UBXN10: variants seen among roughly 807,000 people sequenced by gnomAD.
UBXN10 encodes UBX domain-containing protein 10.
In UBXN10, 6 loss-of-function variants were observed where a neutral mutation model predicts 6.9. The ratio of observed to expected loss-of-function variants is 0.87; its 90% confidence interval spans 0.48 to 1.72. UBXN10 has a LOEUF of 1.72. Ranked by LOEUF, UBXN10 falls within the 40% of genes most tolerant of loss-of-function variation. The pLI is 0.01. For synonymous variants in UBXN10, 131 were observed against 135.2 expected, an observed-to-expected ratio of 0.97 and a Z score of 0.21; for missense variants, 317 against 348.4, an observed-to-expected ratio of 0.91 and a Z score of 0.72.
upstream of UBXN10, among the ~76,000 whole-genome samples, chr1:20,185,811 A>C (rs2018364326): frequency 6.6e-6 from 1 of 152,304 alleles, no homozygotes; most frequent in Non-Finnish European, 1.5e-5. Flanking sequence ...CCGCTCCTCC[A>C]TGCCCCGGCC....
At position 20,191,122 on chromosome 1, in the gene UBXN10, A is replaced by T; in HGVS notation, c.561A>T (p.Gly187=). Residue 187 remains glycine (G), a synonymous_variant, in exon 2 of 2, where the codon GGA becomes GGT. Coordinates refer to ENST00000375099, the MANE Select transcript of UBXN10 (RefSeq NM_152376.5). The surrounding 1 kb of genome is among the most constrained non-coding windows in gnomAD (Gnocchi z 4.5). The part of the protein sequence containing the change: ...RTKKQGSSRA[G]NLEEPSDQEP... ...AGAAACAGGGCTCTTCCAGGGCTGG[A>T]AATCTGGAGGAACCATCGGACCAAG... is the stretch of plus-strand genomic sequence containing the variant. The T allele has an allele frequency of 1.2e-6, 2 of 1,614,176 alleles. No individual in the cohort carries two copies. Among genetic ancestry groups the T allele is most frequent in the Non-Finnish European group, 1.7e-6 (2 of 1,180,036 alleles).
chr1:20,192,431 G>A lies in UBXN10; in HGVS notation c.*1027G>A, dbSNP rs2018523441. 1 of 167,100 alleles carries A rather than the reference G, an allele frequency of 6.0e-6. No homozygotes were observed. Among genetic ancestry groups the A allele is most frequent in the South Asian group, 2.1e-4 (1 of 4,824 alleles). 10.4% of individuals were successfully genotyped at this position (167,100 alleles called of 1,614,324 possible). On this transcript the variant is annotated 3_prime_UTR_variant, in exon 2 of 2. Transcript: ENST00000375099. The stretch of plus-strand genomic sequence containing the variant: ...GGTCTCGTGTTACTTTGCTGTGCCT[G>A]TGCTGAGAGACCATGTGCCCGAGCA...
chr1:20,185,982 T>A (rs898629471), upstream of UBXN10: 20 of 151,638 alleles, frequency 1.3e-4, no homozygotes, highest in East Asian at 1.8e-3. Context: ...GCCTCCGCCC[T>A]CCTGGCCCAG....
intron 1 of UBXN10, among the ~76,000 whole-genome samples, chr1:20,190,236 C>T (rs747365245): frequency 3.3e-5 from 5 of 152,138 alleles, no homozygotes; most frequent in Middle Eastern, 3.2e-3. Flanking sequence ...ACCTTAATCA[C>T]GCTCTGGTGC....
Position 20,193,146 on chromosome 1 carries a change from G to T in UBXN10, c.*1742G>T, listed in dbSNP as rs1333943401. 1 of 167,036 alleles carries T rather than the reference G, an allele frequency of 6.0e-6. No homozygotes were observed. Among genetic ancestry groups the T allele is most frequent in the Non-Finnish European group, 1.5e-5 (1 of 68,138 alleles). The allele number at this position is 167,036 out of a possible 1,614,324, so 10.3% of individuals were successfully genotyped here. A position where few individuals can be genotyped will look rare whatever the true frequency, so the allele number is the denominator to read the frequency against. ...GTACAGGAATTTCACTTCCCACCAG[G>T]ACTTGAGCACATAACTCTATGTCTG... On this transcript the variant is annotated 3_prime_UTR_variant, in exon 2 of 2. Transcript: ENST00000375099.
Position 20,190,737 on chromosome 1 carries a change from G to A in UBXN10, c.176G>A (p.Cys59Tyr). 1 of 1,614,078 alleles carries A rather than the reference G, an allele frequency of 6.2e-7. No homozygotes were observed. The highest frequency in any genetic ancestry group is 8.5e-7 in the Non-Finnish European group (1 of 1,180,048). The change falls in exon 2 of 2, where the codon TGC becomes TAC. Residue 59 changes from cysteine (C) to tyrosine (Y), a missense_variant. Coordinates refer to ENST00000375099, the MANE Select transcript of UBXN10 (RefSeq NM_152376.5). ...CAGAAATCCCAGGGCGTGGAGGTGTGCGCTCATCATATACCATCTCCGCCT... is the reference window on the plus strand; with the variant it reads ...CAGAAATCCCAGGGCGTGGAGGTGTACGCTCATCATATACCATCTCCGCCT... ...SLQKSQGVEV[C>Y]AHHIPSPPPA...
rs1324106024 is a variant in UBXN10, at chr1:20,194,557, A to C, written c.*3153A>C. ...AGCCTTGGGGCATTCATTCCAATTA[A>C]TAACCTTAAAGACTAGAGCCAGATC... is the stretch of plus-strand genomic sequence containing the variant. On this transcript the variant is annotated 3_prime_UTR_variant, in exon 2 of 2. Transcript: ENST00000375099. The C allele has an allele frequency of 1.2e-5, 2 of 167,088 alleles. No homozygotes were observed. Among genetic ancestry groups the C allele is most frequent in the African/African-American group, 4.8e-5 (2 of 41,458 alleles). 10.4% of individuals were successfully genotyped at this position (167,088 alleles called of 1,614,324 possible). A position where few individuals can be genotyped will look rare whatever the true frequency, so the allele number is the denominator to read the frequency against.
In UBXN10 at chr1:20,191,829, C is replaced by G; in HGVS notation, c.*425C>G. On this transcript the variant is annotated 3_prime_UTR_variant, in exon 2 of 2. Coordinates refer to ENST00000375099, the MANE Select transcript of UBXN10 (RefSeq NM_152376.5). The surrounding 1 kb of genome is among the most constrained non-coding windows in gnomAD (Gnocchi z 4.5). The stretch of plus-strand genomic sequence containing the variant: ...AACACTTCCCAGAGAGGATTCTAGT[C>G]TGGTAAATAACCACAGTGTAGGAAC... 3 of 184,850 alleles carry G rather than the reference C, an allele frequency of 1.6e-5. No homozygotes were observed. The allele number at this position is 184,850 out of a possible 1,614,324, so 11.5% of individuals were successfully genotyped here.
Position 20,191,483 on chromosome 1 carries a change from G to A in UBXN10, c.*79G>A, listed in dbSNP as rs200062370. The A allele has an allele frequency of 1.1e-4, 175 of 1,532,010 alleles. 1 individual carries two copies. The highest frequency in any genetic ancestry group is 1.0e-3 in the East Asian group (45 of 44,206). The allele number at this position is 1,532,010 out of a possible 1,614,324, so 94.9% of individuals were successfully genotyped here. A position where few individuals can be genotyped will look rare whatever the true frequency, so the allele number is the denominator to read the frequency against. Reference sequence around the variant, plus strand: ...GGCGTTGTGGCCTCTTAGGCAGCCTGTTTCAAGTGCCATGTGGACCTGGTG... The same window carrying A: ...GGCGTTGTGGCCTCTTAGGCAGCCTATTTCAAGTGCCATGTGGACCTGGTG... On this transcript the variant is annotated 3_prime_UTR_variant, in exon 2 of 2. Coordinates refer to ENST00000375099, the MANE Select transcript of UBXN10 (RefSeq NM_152376.5). This position sits in a 1 kb window ranked among gnomAD's most constrained non-coding sequence, Gnocchi z 4.5.
chr1:20,194,169 A>C lies in UBXN10; in HGVS notation c.*2765A>C, dbSNP rs1285993142. 1 of 167,174 alleles carries C rather than the reference A, an allele frequency of 6.0e-6. No individual in the cohort carries two copies. Among genetic ancestry groups the C allele is most frequent in the African/African-American group, 2.4e-5 (1 of 41,470 alleles). The allele number at this position is 167,174 out of a possible 1,614,324, so 10.4% of individuals were successfully genotyped here. A position where few individuals can be genotyped will look rare whatever the true frequency, so the allele number is the denominator to read the frequency against. On this transcript the variant is annotated 3_prime_UTR_variant, in exon 2 of 2. Transcript: ENST00000375099. ...GCTGGCTCTTCATCCCACCCTCTGG[A>C]GATGCTAAGGAAGCTCTTGCCCACC...
upstream of UBXN10, among the ~76,000 whole-genome samples, chr1:20,184,796 G>GGAGGTGGGAGA (rs1255357637): frequency 2.0e-5 from 3 of 152,064 alleles, no homozygotes; most frequent in East Asian, 5.8e-4. Flanking sequence ...GAGGAGGGAG[G>GGAGGTGGGAGA]GAGGTGGGAG....
chr1:20,189,940 G>C (rs935459435), intron 1 of UBXN10, among the ~76,000 whole-genome samples: 1 of 152,208 alleles, frequency 6.6e-6, no homozygotes, highest in Non-Finnish European at 1.5e-5. Context: ...TCATACATCT[G>C]TAGAATTAGC....
chr1:20,190,742 C>A lies in UBXN10; in HGVS notation c.181C>A (p.His61Asn). 1 of 1,614,060 alleles carries A rather than the reference C, an allele frequency of 6.2e-7. No individual in the cohort carries two copies. Among genetic ancestry groups the A allele is most frequent in the Non-Finnish European group, 8.5e-7 (1 of 1,180,038 alleles). The stretch of plus-strand genomic sequence containing the variant: ...ATCCCAGGGCGTGGAGGTGTGCGCT[C>A]ATCATATACCATCTCCGCCTCCAGC... ...QKSQGVEVCAHHIPSPPPAIP... is the reference protein window; with the variant it reads ...QKSQGVEVCANHIPSPPPAIP... The change falls in exon 2 of 2, where the codon CAT (histidine) becomes AAT (asparagine). Residue 61 changes from histidine (H) to asparagine (N), a missense_variant. Physicochemically the swap from His to Asn is moderately conservative, Grantham distance 68 (BLOSUM62 1). Coordinates refer to ENST00000375099, the MANE Select transcript of UBXN10 (RefSeq NM_152376.5).
rs773586730 is a variant in UBXN10, at chr1:20,187,518, G to A, written c.-16+1365G>A. 6.6e-6 allele frequency among the ~76,000 whole-genome samples: 1 copy of A among 152,202 alleles called. No individual in the cohort carries two copies. The highest frequency in any genetic ancestry group is 1.5e-5 in the Non-Finnish European group (1 of 68,042). On this transcript the variant is annotated intron_variant, in intron 1 of 1. Coordinates refer to ENST00000375099, the MANE Select transcript of UBXN10 (RefSeq NM_152376.5). The surrounding 1 kb of genome is among the most constrained non-coding windows in gnomAD (Gnocchi z 4.6). Reference sequence around the variant, plus strand: ...TGTTTCCCCCACCGCCCATCCCTGTGTGATGGGTGCTGGGGAGAGCTGGTG... The same window carrying A: ...TGTTTCCCCCACCGCCCATCCCTGTATGATGGGTGCTGGGGAGAGCTGGTG...
upstream of UBXN10, chr1:20,186,019 C>T (rs886370475): frequency 3.9e-5 from 6 of 151,914 alleles, no homozygotes; most frequent in African/African-American, 1.2e-4. Context: ...CCACCCGACC[C>T]CACCCGACCC....
intron 1 of UBXN10, among the ~76,000 whole-genome samples, chr1:20,186,907 G>T (rs192110457): frequency 5.3e-5 from 8 of 151,856 alleles, no homozygotes; most frequent in African/African-American, 1.5e-4. Flanking sequence ...GGTTGGGGGG[G>T]GCGGGATGGC....
rs866127542 is a variant in UBXN10 at position 20,187,749 on chromosome 1, C to T, written c.-16+1596C>T. Reference sequence around the variant, plus strand: ...TGACCAGGGTGTCTTGAATATGACACCCCCTGAACATGGATAATTATATGG... The same window carrying T: ...TGACCAGGGTGTCTTGAATATGACATCCCCTGAACATGGATAATTATATGG... On this transcript the variant is annotated intron_variant, in intron 1 of 1. Transcript: ENST00000375099. The surrounding 1 kb of genome is among the most constrained non-coding windows in gnomAD (Gnocchi z 4.6). Among the ~76,000 whole-genome samples the T allele has an allele frequency of 1.3e-5, 2 of 152,068 alleles. No homozygotes were observed. The highest frequency in any genetic ancestry group is 4.8e-5 in the African/African-American group (2 of 41,398).
rs575020073 is a variant in UBXN10, at chr1:20,192,847, G to A, written c.*1443G>A. The A allele has an allele frequency of 9.6e-5, 16 of 167,206 alleles. No homozygotes were observed. Among genetic ancestry groups the A allele is most frequent in the East Asian group, 1.9e-4 (1 of 5,198 alleles). The allele number at this position is 167,206 out of a possible 1,614,324, so 10.4% of individuals were successfully genotyped here. ...TGCATGGTTGGGAGTGTTTTTTCTC[G>A]CACGTTGAGGCTTAGTGGAGATGGG... On this transcript the variant is annotated 3_prime_UTR_variant, in exon 2 of 2. Transcript: ENST00000375099.
In UBXN10 at chr1:20,193,449, AT is replaced by A. The variant is rs1426951669; in HGVS notation, c.*2046del. 6.0e-6 allele frequency: 1 copy of A among 166,846 alleles called. No individual in the cohort carries two copies. Among genetic ancestry groups the A allele is most frequent in the Non-Finnish European group, 1.5e-5 (1 of 68,132 alleles). 10.3% of individuals were successfully genotyped at this position (166,846 alleles called of 1,614,324 possible). ...ATGTGAATAAAGCTAGACTCAAACCATCATAATAAACATTTTTTTTTTGGAC... is the reference window on the plus strand; with the variant it reads ...ATGTGAATAAAGCTAGACTCAAACCACATAATAAACATTTTTTTTTTGGAC... On this transcript the variant is annotated 3_prime_UTR_variant, in exon 2 of 2. Coordinates refer to ENST00000375099, the MANE Select transcript of UBXN10 (RefSeq NM_152376.5).
Sources: gnomAD v4.1 joint callset for allele counts (sites outside exome capture counted in the v4.1 genomes callset) on GRCh38, gnomAD v4.1.1 for gene constraint, Gnocchi (gnomAD v3.1) non-coding constraint, MANE v1.5 for transcripts, NCBI Gene and HGNC (gene_info 2026-07-23, HGNC 2026-07-21) for gene names.